Variants in SLC12A7 observed in about 807,000 individuals in gnomAD.
SLC12A7 encodes the protein solute carrier family 12 member 7, also known as K-Cl cotransporter 4.
A neutral mutation model predicts 120.6 loss-of-function variants in SLC12A7; 100 were observed. That is an observed-to-expected ratio of 0.83 (90% CI 0.71 to 0.98). SLC12A7 has a LOEUF of 0.98. Among genes scored for constraint, SLC12A7 ranks in the 50% least tolerant of loss-of-function variants. The pLI, the probability that SLC12A7 is intolerant of heterozygous loss-of-function variation, is 0.00. For synonymous variants in SLC12A7, 760 were observed against 678.0 expected, an observed-to-expected ratio of 1.12 and a Z score of -1.88; for missense variants, 1,373 against 1,548.1, an observed-to-expected ratio of 0.89 and a Z score of 1.90.
At chr5:1,083,056 A>G (rs183259258) in intron 8 of SLC12A7, among the ~76,000 whole-genome samples, 208 of 130,482 alleles carry the variant, frequency 1.6e-3, no homozygotes, top group African/African-American at 5.5e-3. Flanking sequence ...TGGAAAGTCC[A>G]GGCTTCCCGT....
intron 15 of SLC12A7, 167 bp from the exon 16 acceptor site, chr5:1,074,838 C>T: frequency 4.6e-6 from 3 of 649,810 alleles, no homozygotes; most frequent in Non-Finnish European, 5.3e-6. Flanking sequence ...CTGAAGGGAG[C>T]CCGTCCTAGG....
the SLC12A7 span, among the ~76,000 whole-genome samples, chr5:1,119,356 T>C: frequency 3.9e-5 from 6 of 152,110 alleles, no homozygotes; most frequent in African/African-American, 1.4e-4. Flanking sequence ...TCGTTAAAGG[T>C]GAGGACCCCG....
rs767615259 is a variant in SLC12A7, at chr5:1,085,467, T to C, written c.682A>G (p.Ile228Val). Residue 228 changes from isoleucine to valine, a missense_variant, in exon 7 of 24, where the codon ATC (isoleucine) becomes GTC (valine). Coordinates refer to ENST00000264930, the MANE Select transcript of SLC12A7 (RefSeq NM_006598.3). ...LGTIEIFLTYISPGAAIFQAE... is the reference protein window; with the variant it reads ...LGTIEIFLTYVSPGAAIFQAE... ...TGGAAGATGGCCGCACCCGGGGAGA[T>C]GTACGTCTGTGGGAACAAGGCCGGT... is the stretch of plus-strand genomic sequence containing the variant. 4 of 1,605,044 alleles carry C rather than the reference T, an allele frequency of 2.5e-6. No homozygotes were observed. Among genetic ancestry groups the C allele is most frequent in the Admixed American group, 3.4e-5 (2 of 59,266 alleles).
At chr5:1,104,279 G>A (rs1036491333) in intron 1 of SLC12A7, among the ~76,000 whole-genome samples, 3 of 152,350 alleles carry the variant, frequency 2.0e-5, no homozygotes, top group Non-Finnish European at 2.9e-5. Flanking sequence ...CTCGTGACAG[G>A]CTGGCTCCTG....
the SLC12A7 span, among the ~76,000 whole-genome samples, chr5:1,123,820 C>T: frequency 6.6e-6 from 1 of 152,252 alleles, no homozygotes; most frequent in African/African-American, 2.4e-5. Flanking sequence ...ACCTCTCTTT[C>T]TTGACTTTCT....
At chr5:1,078,813 GGGGGTGGGGTGGGGT>G (rs1183561626) in intron 10 of SLC12A7, 55 bp from the exon 11 acceptor site, 14 of 712,716 alleles carry the variant, frequency 2.0e-5, no homozygotes, top group East Asian at 5.4e-5. Context: ...CTCAGGTACG[GGGGGTGGGGTGGGGT>G]GGGGTGGGGT....
the SLC12A7 span, among the ~76,000 whole-genome samples, chr5:1,118,556 G>C: frequency 2.0e-5 from 3 of 152,218 alleles, no homozygotes; most frequent in Non-Finnish European, 4.4e-5. Context: ...GGCCAAATGC[G>C]AAGGCCGCCA....
chr5:1,059,059 C>T (rs1041518373), intron 21 of SLC12A7, among the ~76,000 whole-genome samples: 1 of 152,236 alleles, frequency 6.6e-6, no homozygotes, highest in African/African-American at 2.4e-5. Context: ...TAGCTGGACC[C>T]GGGCTGAACC....
At chr5:1,125,908 T>A in the SLC12A7 span, among the ~76,000 whole-genome samples, 19 of 124,818 alleles carry the variant, frequency 1.5e-4, no homozygotes, top group Non-Finnish European at 9.6e-5. Flanking sequence ...CTGACAACAG[T>A]GCCAGGCCCT....
chr5:1,151,177 C>T, the SLC12A7 span, among the ~76,000 whole-genome samples: 1 of 152,232 alleles, frequency 6.6e-6, no homozygotes. The surrounding 1 kb of genome is among the most constrained non-coding windows in gnomAD (Gnocchi z 6.2). Context: ...CTTGCAAAGG[C>T]GCCTTCTACC....
intron 3 of SLC12A7, among the ~76,000 whole-genome samples, 167 bp downstream of exon 3, chr5:1,093,366 T>C (rs1380900192): frequency 1.3e-5 from 2 of 152,080 alleles, no homozygotes; most frequent in Non-Finnish European, 2.9e-5. Flanking sequence ...GGACAGGAGC[T>C]GCAGGGCAGG....
At position 1,050,670 on chromosome 5, in the gene SLC12A7, C is replaced by G; in HGVS notation, c.*1690G>C. 2.5e-6 allele frequency: 1 copy of G among 392,930 alleles called. No individual in the cohort carries two copies. The highest frequency in any genetic ancestry group is 4.5e-6 in the Non-Finnish European group (1 of 222,950). 24.3% of individuals were successfully genotyped at this position (392,930 alleles called of 1,614,324 possible). ...ACCATGTGGCCGCTGTGCCTCTAGC[C>G]TGCTCTCCTCCAGGTGCAGGGGACA... On this transcript the variant is annotated 3_prime_UTR_variant, in exon 24 of 24. Transcript: ENST00000264930.
chr5:1,119,070 C>T, the SLC12A7 span, among the ~76,000 whole-genome samples: 1 of 152,240 alleles, frequency 6.6e-6, no homozygotes, highest in Non-Finnish European at 1.5e-5. Context: ...CTGGTGTGCT[C>T]ACCCTCAGTC....
chr5:1,119,043 G>A, the SLC12A7 span, among the ~76,000 whole-genome samples: 29 of 152,120 alleles, frequency 1.9e-4, no homozygotes, highest in Non-Finnish European at 2.5e-4. Flanking sequence ...GCCCTGCCTC[G>A]TTTTGTGGCC....
intron 22 of SLC12A7, among the ~76,000 whole-genome samples, chr5:1,056,115 T>G (rs1735580181): frequency 6.6e-6 from 1 of 152,148 alleles, no homozygotes; most frequent in Non-Finnish European, 1.5e-5. Flanking sequence ...AGGTAGCTCC[T>G]GCCGAGGGTC....
intron 10 of SLC12A7, 40 bp downstream of exon 10, chr5:1,079,358 G>A (rs896387410): frequency 8.5e-6 from 13 of 1,531,378 alleles, no homozygotes; most frequent in Non-Finnish European, 1.2e-5. Context: ...CTCCCCCCAG[G>A]CAGAGGCTGG....
chr5:1,121,681 A>G, the SLC12A7 span, among the ~76,000 whole-genome samples: 2 of 152,184 alleles, frequency 1.3e-5, no homozygotes, highest in Non-Finnish European at 2.9e-5. Flanking sequence ...TCCTTGTCCC[A>G]TGGATGACTG....
At chr5:1,092,186 CTG>C in intron 3 of SLC12A7, among the ~76,000 whole-genome samples, 1 of 152,400 alleles carries the variant, frequency 6.6e-6, no homozygotes, top group Middle Eastern at 3.4e-3. Context: ...ATTAATTCCG[CTG>C]TGTTTACAGT....
the SLC12A7 span, among the ~76,000 whole-genome samples, chr5:1,120,371 C>G: frequency 1.3e-5 from 2 of 152,224 alleles, no homozygotes; most frequent in Non-Finnish European, 2.9e-5. Flanking sequence ...AAACGCTGAA[C>G]CCGGAGGACA....
Sources: gnomAD v4.1 joint callset for allele counts (sites outside exome capture counted in the v4.1 genomes callset) on GRCh38, gnomAD v4.1.1 for gene constraint, Gnocchi (gnomAD v3.1) non-coding constraint, MANE v1.5 for transcripts, NCBI Gene and HGNC (gene_info 2026-07-23, HGNC 2026-07-21) for gene names.